The following XRCC4 variants were observed in gnomAD, a reference collection of about 807,000 sequenced individuals.
XRCC4 encodes DNA repair protein XRCC4.
XRCC4 carries 28 observed loss-of-function variants against 39.1 expected under a neutral mutation model. The ratio of observed to expected loss-of-function variants is 0.72; its 90% confidence interval spans 0.53 to 0.98. The LOEUF is 0.98. Ranked by LOEUF, XRCC4 falls within the 50% of genes least tolerant of loss-of-function variation. The pLI, the probability that XRCC4 is intolerant of heterozygous loss-of-function variation, is 0.00. For synonymous variants in XRCC4, 123 were observed against 126.4 expected (o/e 0.97, Z 0.18); for missense variants, 350 against 376.4 (o/e 0.93, Z 0.58).
intron 6 of XRCC4, among the ~76,000 whole-genome samples, chr5:83,213,047 A>T (rs1207262009): frequency 2.6e-5 from 4 of 151,952 alleles, no homozygotes; most frequent in Non-Finnish European, 5.9e-5. Context: ...TCAATATAAC[A>T]ACAGACATTA....
chr5:83,355,298 C>A (rs1349770189), downstream of XRCC4, among the ~76,000 whole-genome samples: 1 of 152,060 alleles, frequency 6.6e-6, no homozygotes, highest in African/African-American at 2.4e-5. Context: ...AGGTTTTTTC[C>A]ATTATGCATA....
chr5:83,163,909 T>C (rs1338147008), intron 3 of XRCC4, among the ~76,000 whole-genome samples: 1 of 152,194 alleles, frequency 6.6e-6, no homozygotes, highest in African/African-American at 2.4e-5. Flanking sequence ...GCAGTGTGGC[T>C]TTGAAAATGC....
intron 3 of XRCC4, among the ~76,000 whole-genome samples, chr5:83,135,537 C>T (rs1419522934): frequency 2.0e-5 from 3 of 151,730 alleles, no homozygotes; most frequent in African/African-American, 7.3e-5. Flanking sequence ...TTTCTTTTCT[C>T]GTTTTTTGGG....
intron 3 of XRCC4, among the ~76,000 whole-genome samples, chr5:83,175,153 CTAT>C (rs1749896203): frequency 6.6e-6 from 1 of 152,144 alleles, no homozygotes; most frequent in African/African-American, 2.4e-5. Flanking sequence ...GAACTTACTA[CTAT>C]TAACTCCCTC....
chr5:83,269,376 C>T (rs543987994), intron 7 of XRCC4, among the ~76,000 whole-genome samples: 8 of 151,476 alleles, frequency 5.3e-5, no homozygotes, highest in Admixed American at 4.0e-4. Flanking sequence ...TTCAGAAACA[C>T]ACCAATAAAT....
At chr5:83,239,094 G>A (rs1168979168) in intron 6 of XRCC4, among the ~76,000 whole-genome samples, 1 of 152,184 alleles carries the variant, frequency 6.6e-6, no homozygotes, top group Admixed American at 6.5e-5. Context: ...AGAAAATAGT[G>A]TACTAGAAAG....
chr5:83,291,815 T>C (rs1373502759), intron 7 of XRCC4, among the ~76,000 whole-genome samples: 1 of 151,914 alleles, frequency 6.6e-6, no homozygotes, highest in Non-Finnish European at 1.5e-5. Context: ...AGAAGACAAC[T>C]GGATTCTGAG....
intron 7 of XRCC4, among the ~76,000 whole-genome samples, chr5:83,341,438 GT>G (rs1272091700): frequency 7.9e-5 from 12 of 152,086 alleles, no homozygotes; most frequent in African/African-American, 2.9e-4. Flanking sequence ...TAATTAACAG[GT>G]TTCCCAATTA....
chr5:83,374,031 C>T, the XRCC4 span, among the ~76,000 whole-genome samples: 1 of 152,110 alleles, frequency 6.6e-6, no homozygotes, highest in African/African-American at 2.4e-5. Flanking sequence ...AAAGCAAATA[C>T]ATTAGTGAGA....
intron 7 of XRCC4, among the ~76,000 whole-genome samples, chr5:83,336,558 CAAGA>C (rs1411562263): frequency 6.6e-6 from 1 of 152,060 alleles, no homozygotes; most frequent in African/African-American, 2.4e-5. Flanking sequence ...CTTAAATTAT[CAAGA>C]AAGAAGTATG....
intron 7 of XRCC4, among the ~76,000 whole-genome samples, chr5:83,284,578 C>T (rs1295947482): frequency 2.6e-5 from 4 of 151,946 alleles, no homozygotes; most frequent in African/African-American, 9.7e-5. Context: ...TTTTAATGCA[C>T]TTGGGCTGTT....
chr5:83,151,755 T>G (rs1354220910), intron 3 of XRCC4, among the ~76,000 whole-genome samples: 2 of 152,162 alleles, frequency 1.3e-5, no homozygotes, highest in Non-Finnish European at 2.9e-5. Context: ...GCCGAAACCT[T>G]ACCACTAAGA....
chr5:83,300,217 C>A (rs1270007928), intron 7 of XRCC4, among the ~76,000 whole-genome samples: 1 of 152,126 alleles, frequency 6.6e-6, no homozygotes, highest in Non-Finnish European at 1.5e-5. Flanking sequence ...TCCTATTAGA[C>A]TCTCCACTTT....
intron 3 of XRCC4, among the ~76,000 whole-genome samples, chr5:83,118,120 A>G (rs1746830371): frequency 6.6e-6 from 1 of 151,828 alleles, no homozygotes; most frequent in African/African-American, 2.4e-5. Context: ...ATTTGCTACA[A>G]GTCTCTAGTA....
intron 3 of XRCC4, among the ~76,000 whole-genome samples, chr5:83,144,821 TA>T (rs1337184657): frequency 1.3e-5 from 2 of 152,112 alleles, no homozygotes; most frequent in African/African-American, 4.8e-5. Flanking sequence ...TTATTTGTAA[TA>T]TTTCCATTTG....
At chr5:83,364,308 G>A in the XRCC4 span, among the ~76,000 whole-genome samples, 2 of 151,964 alleles carry the variant, frequency 1.3e-5, no homozygotes, top group Non-Finnish European at 2.9e-5. Context: ...AGACTCTGGA[G>A]AAATAGTGGC....
chr5:83,211,504 G>A (rs116595202), intron 6 of XRCC4, among the ~76,000 whole-genome samples: 2 of 152,296 alleles, frequency 1.3e-5, no homozygotes, highest in Non-Finnish European at 2.9e-5. Context: ...AGTAGAGACT[G>A]AAGAGAGGGC....
the XRCC4 span, among the ~76,000 whole-genome samples, chr5:83,369,925 T>A: frequency 6.6e-6 from 1 of 152,198 alleles, no homozygotes; most frequent in Non-Finnish European, 1.5e-5. Flanking sequence ...TATTTCTTGA[T>A]GTTTTAACAA....
At chr5:83,082,109 C>G (rs901073511) in intron 1 of XRCC4, among the ~76,000 whole-genome samples, 3 of 152,130 alleles carry the variant, frequency 2.0e-5, no homozygotes, top group African/African-American at 7.2e-5. Context: ...ATCTCTTGCT[C>G]AGATTTTTGT....
Sources: gnomAD v4.1 joint callset for allele counts (sites outside exome capture counted in the v4.1 genomes callset) on GRCh38, gnomAD v4.1.1 for gene constraint, MANE v1.5 for transcripts, NCBI Gene and HGNC (gene_info 2026-07-23, HGNC 2026-07-21) for gene names.